The following ME3 variants were observed in gnomAD, a reference collection of about 807,000 sequenced individuals.
ME3 encodes the protein NADP-dependent malic enzyme, mitochondrial.
In ME3, 48 loss-of-function variants were observed where a neutral mutation model predicts 68.9. That is an observed-to-expected ratio of 0.70 (90% CI 0.55 to 0.89). The LOEUF (loss-of-function observed/expected upper bound fraction) is 0.89, where lower values mean the gene tolerates loss of function less well. Ranked by LOEUF, ME3 falls within the 40% of genes least tolerant of loss-of-function variation. The pLI is 0.00. For synonymous variants in ME3, 320 were observed against 318.8 expected (o/e 1.00, Z -0.04); for missense variants, 675 against 797.4 (o/e 0.85, Z 1.85).
At chr11:86,608,205 G>T (rs2135174348) in intron 2 of ME3, among the ~76,000 whole-genome samples, 1 of 152,288 alleles carries the variant, frequency 6.6e-6, no homozygotes, top group East Asian at 1.9e-4. Context: ...AAGTTCAGCT[G>T]CAGCTCATTA....
rs150981297 is a variant in ME3, at chr11:86,646,112, G to A, written c.183+25650C>T. Among the ~76,000 whole-genome samples the A allele has an allele frequency of 8.8e-3, 1,338 of 152,286 alleles. 27 individuals carry two copies. The highest frequency in any genetic ancestry group is 0.03 in the African/African-American group (1,251 of 41,556). On this transcript the variant is annotated intron_variant, in intron 2 of 14. Transcript: ENST00000543262. ...AGATGAGGAAAAACCAGGGCAAAAA[G>A]GCTGAAAATGCCAAAATCCAGAATG...
intron 2 of ME3, among the ~76,000 whole-genome samples, chr11:86,661,981 C>T (rs1458247212): frequency 1.3e-5 from 2 of 152,046 alleles, no homozygotes; most frequent in East Asian, 1.9e-4. Context: ...GAGAATTACA[C>T]AAAGTTAAAG....
At chr11:86,639,482 T>C (rs1245198666) in intron 2 of ME3, among the ~76,000 whole-genome samples, 1 of 141,318 alleles carries the variant, frequency 7.1e-6, no homozygotes, top group Non-Finnish European at 1.5e-5. Context: ...CACAAAAACA[T>C]ACATCTAAGC....
chr11:86,493,217 A>G (rs1952106144), intron 6 of ME3, among the ~76,000 whole-genome samples: 1 of 152,142 alleles, frequency 6.6e-6, no homozygotes, highest in South Asian at 2.1e-4. Context: ...AGCACTATTT[A>G]CCAGGCTCTG....
chr11:86,655,670 T>G (rs1323514264), intron 2 of ME3, among the ~76,000 whole-genome samples: 3 of 151,634 alleles, frequency 2.0e-5, no homozygotes, highest in Non-Finnish European at 3.0e-5. Flanking sequence ...GGCATTACCA[T>G]TCAGGACATA....
chr11:86,448,304 G>T, intron 10 of ME3, 49 bp from the exon 11 acceptor site: 1 of 1,382,186 alleles, frequency 7.2e-7, no homozygotes, highest in Non-Finnish European at 1.0e-6. Flanking sequence ...GGCCTGTTGG[G>T]TAGGAGTACA....
chr11:86,539,616 G>C (rs188828184), intron 4 of ME3, among the ~76,000 whole-genome samples: 18 of 152,288 alleles, frequency 1.2e-4, no homozygotes, highest in African/African-American at 4.1e-4. Context: ...GGTGCTTGAA[G>C]ACACCATGCT....
chr11:86,487,435 C>T (rs753606690), exon 7 of ME3: 2 of 1,613,860 alleles, frequency 1.2e-6, no homozygotes, highest in Non-Finnish European at 1.7e-6. Context: ...GGTCTCTGAG[C>T]AGCTCCTGGA....
intron 4 of ME3, among the ~76,000 whole-genome samples, chr11:86,550,720 G>A (rs562830893): frequency 1.3e-5 from 2 of 152,142 alleles, no homozygotes; most frequent in Non-Finnish European, 2.9e-5. Context: ...GGGAGTATGT[G>A]TGTGTGTGTT....
intron 7 of ME3, among the ~76,000 whole-genome samples, chr11:86,466,374 A>G (rs1236460813): frequency 6.6e-6 from 1 of 152,232 alleles, no homozygotes; most frequent in African/African-American, 2.4e-5. Flanking sequence ...ATCTGAGGTC[A>G]TGTCATTGAG....
At chr11:86,524,753 A>ATGCT (rs551929442) in intron 4 of ME3, among the ~76,000 whole-genome samples, 140 of 152,358 alleles carry the variant, frequency 9.2e-4, no homozygotes, top group Non-Finnish European at 1.6e-3. Context: ...GGGAAAACAT[A>ATGCT]TGCTTAAACT....
At chr11:86,599,119 G>A (rs1035843977) in intron 2 of ME3, among the ~76,000 whole-genome samples, 1 of 152,234 alleles carries the variant, frequency 6.6e-6, no homozygotes, top group Admixed American at 6.5e-5. Context: ...TTGACGAGTT[G>A]AGAGAAGAAG....
At chr11:86,562,908 C>T (rs567032928) in intron 2 of ME3, among the ~76,000 whole-genome samples, 29 of 152,026 alleles carry the variant, frequency 1.9e-4, no homozygotes, top group Admixed American at 1.3e-3. Context: ...CACTTATAAG[C>T]GATAACATGT....
intron 4 of ME3, among the ~76,000 whole-genome samples, chr11:86,521,452 T>TA (rs893955314): frequency 1.5e-5 from 2 of 136,888 alleles, no homozygotes; most frequent in African/African-American, 2.8e-5. Flanking sequence ...ATAATAATAA[T>TA]AAAAAAATGG....
intron 4 of ME3, among the ~76,000 whole-genome samples, chr11:86,543,865 C>T (rs1219558809): frequency 6.6e-6 from 1 of 152,136 alleles, no homozygotes; most frequent in Non-Finnish European, 1.5e-5. Context: ...CTTCTCAGCA[C>T]CACATCACAC....
At chr11:86,602,189 G>T (rs11234712) in intron 2 of ME3, among the ~76,000 whole-genome samples, 20,785 of 143,934 alleles carry the variant, frequency 0.14, 1,220 homozygotes, top group East Asian at 0.33. Context: ...TGACATGATT[G>T]TATATCTAGA....
intron 4 of ME3, among the ~76,000 whole-genome samples, chr11:86,525,093 T>G (rs1207493500): frequency 6.6e-6 from 1 of 152,180 alleles, no homozygotes; most frequent in Non-Finnish European, 1.5e-5. Context: ...TTGGGAAGCT[T>G]CAGAGCAGAC....
intron 4 of ME3, among the ~76,000 whole-genome samples, chr11:86,535,006 C>A (rs1246140774): frequency 2.6e-5 from 4 of 152,150 alleles, no homozygotes; most frequent in African/African-American, 9.7e-5. Flanking sequence ...TAAGTGAATT[C>A]TTAACGAAGG....
chr11:86,537,014 T>G (rs1313238933), intron 4 of ME3, among the ~76,000 whole-genome samples: 1 of 151,528 alleles, frequency 6.6e-6, no homozygotes, highest in Admixed American at 6.6e-5. Context: ...GAAATCATCA[T>G]TCTCAGTAAA....
Sources: allele counts gnomAD v4.1 joint callset (sites outside exome capture counted in the v4.1 genomes callset), GRCh38; gene constraint gnomAD v4.1.1; transcripts MANE v1.5; gene names NCBI Gene and HGNC (gene_info 2026-07-23, HGNC 2026-07-21).